The following SLC12A1 variants were observed in gnomAD, a reference collection of about 807,000 sequenced individuals.
SLC12A1 encodes the protein solute carrier family 12 member 1.
Under a neutral mutation model 130.4 loss-of-function variants are expected in SLC12A1, and 89 were observed. The observed-to-expected ratio is 0.68, with a 90% CI of 0.58 to 0.81. The LOEUF (loss-of-function observed/expected upper bound fraction) is 0.81, where lower values mean the gene tolerates loss of function less well. Among genes scored for constraint, SLC12A1 ranks in the 40% least tolerant of loss-of-function variants. The pLI is 0.00. For synonymous variants in SLC12A1, 499 were observed against 460.0 expected (o/e 1.08, Z -1.09); for missense variants, 1,310 against 1,336.4 (o/e 0.98, Z 0.31).
intron 20 of SLC12A1, among the ~76,000 whole-genome samples, chr15:48,277,098 TA>T (rs1176875809): frequency 6.6e-6 from 1 of 152,008 alleles, no homozygotes; most frequent in Admixed American, 6.6e-5. Flanking sequence ...GCTTGGATGG[TA>T]ACAAGAGGAA....
At chr15:48,240,074 T>TATATATATATATATATCC (rs1484944561) in intron 9 of SLC12A1, among the ~76,000 whole-genome samples, 2 of 77,934 alleles carry the variant, frequency 2.6e-5, no homozygotes, top group East Asian at 9.7e-4. Context: ...TATATATCCA[T>TATATATATATATATATCC]ATATATATAT....
chr15:48,246,351 A>C (rs1322016358), intron 11 of SLC12A1, among the ~76,000 whole-genome samples: 3 of 152,244 alleles, frequency 2.0e-5, no homozygotes, highest in Non-Finnish European at 4.4e-5. Context: ...CAAAGAACAG[A>C]GGGGAAAATG....
Position 48,237,254 on chromosome 15 carries a change from G to A in SLC12A1, c.1215+2250G>A, listed in dbSNP as rs2041450666. On this transcript the variant is annotated intron_variant, in intron 9 of 26. Transcript: ENST00000380993. ...AAACAGAAGGAATGGGATGTAAGAA[G>A]GCACCAAGAAAGATGCTGCTAATGA... 7.8e-6 allele frequency: 4 copies of A among 513,548 alleles called. No individual in the cohort carries two copies. In the South Asian group the frequency reaches 1.1e-4, roughly 14 times the overall value. The allele number at this position is 513,548 out of a possible 1,614,324, so 31.8% of individuals were successfully genotyped here.
chr15:48,213,233 T>C (rs1237464030), intron 2 of SLC12A1, among the ~76,000 whole-genome samples: 2 of 152,180 alleles, frequency 1.3e-5, no homozygotes, highest in South Asian at 2.1e-4. Context: ...TTGGCACTTT[T>C]CATTAACTCA....
At chr15:48,275,012 A>G (rs1359808324) in intron 20 of SLC12A1, among the ~76,000 whole-genome samples, 2 of 152,172 alleles carry the variant, frequency 1.3e-5, no homozygotes, top group Non-Finnish European at 1.5e-5. Flanking sequence ...CCTTGGAAAA[A>G]CACGTATTTT....
chr15:48,214,775 T>A (rs780965260), intron 2 of SLC12A1, among the ~76,000 whole-genome samples: 1 of 151,996 alleles, frequency 6.6e-6, no homozygotes, highest in Non-Finnish European at 1.5e-5. Context: ...GGGCTTAGGT[T>A]AGGTGGAACA....
chr15:48,278,988 T>G (rs2041984077), intron 20 of SLC12A1, among the ~76,000 whole-genome samples: 2 of 152,232 alleles, frequency 1.3e-5, no homozygotes, highest in Non-Finnish European at 2.9e-5. Flanking sequence ...AACTTTGATG[T>G]TTGAAATATT....
In SLC12A1 at chr15:48,230,742, G is replaced by A. The variant is rs144114340; in HGVS notation, c.975+239G>A. Among the ~76,000 whole-genome samples the A allele has an allele frequency of 1.6e-4, 24 of 152,302 alleles. No individual in the cohort carries two copies. The East Asian group carries it at 3.1e-3, about 20-fold the overall frequency. On this transcript the variant is annotated intron_variant, in intron 7 of 26. Transcript: ENST00000380993. The stretch of plus-strand genomic sequence containing the variant: ...TGTCTCTCTGTGCTGTCACCAAGGC[G>A]GCTGCCTTATGCACAGACCCCTTAT...
intron 25 of SLC12A1, among the ~76,000 whole-genome samples, chr15:48,300,578 G>T (rs971352757): frequency 3.3e-5 from 5 of 152,080 alleles, no homozygotes; most frequent in Non-Finnish European, 5.9e-5. Context: ...AACGCTAAAA[G>T]CCTTTTAGAT....
At chr15:48,233,861 A>T (rs1453325939) in intron 8 of SLC12A1, among the ~76,000 whole-genome samples, 1 of 150,228 alleles carries the variant, frequency 6.7e-6, no homozygotes, top group Non-Finnish European at 1.5e-5. Flanking sequence ...TTCATCCCAG[A>T]TTCTTTTGTT....
At chr15:48,231,474 A>G (rs2041377129) in intron 7 of SLC12A1, among the ~76,000 whole-genome samples, 1 of 152,212 alleles carries the variant, frequency 6.6e-6, no homozygotes, top group Non-Finnish European at 1.5e-5. Context: ...TTAGCAGTAG[A>G]GGGTAGCATT....
In SLC12A1 at chr15:48,302,933, A is replaced by G; in HGVS notation, c.*48A>G. On this transcript the variant is annotated 3_prime_UTR_variant, in exon 27 of 27. Transcript: ENST00000380993. ...TTTAACTTAATGTAATGCATAATTA[A>G]GAAACATGTTCCAGTACTTTATGTT... 1 of 1,394,540 alleles carries G rather than the reference A, an allele frequency of 7.2e-7. No individual in the cohort carries two copies. The highest frequency in any genetic ancestry group is 1.0e-6 in the Non-Finnish European group (1 of 995,766). The allele number at this position is 1,394,540 out of a possible 1,614,324, so 86.4% of individuals were successfully genotyped here.
rs201425582 is a variant in SLC12A1, at chr15:48,268,839, T to TG, written c.2296-819_2296-818insG. Among the ~76,000 whole-genome samples the TG allele has an allele frequency of 4.8e-3, 736 of 152,282 alleles. 8 individuals carry two copies. Among genetic ancestry groups the TG allele is most frequent in the Middle Eastern group, 0.044 (13 of 294 alleles). On this transcript the variant is annotated intron_variant, in intron 18 of 26. Transcript: ENST00000380993. ...TATTATAAAATTATCATACAAGATT[T>TG]TAAAATAATATTTTCAACTAGGAAT... is the stretch of plus-strand genomic sequence containing the variant.
chr15:48,248,249 T>G (rs1422617302), intron 13 of SLC12A1, among the ~76,000 whole-genome samples: 1 of 152,204 alleles, frequency 6.6e-6, no homozygotes, highest in Non-Finnish European at 1.5e-5. Flanking sequence ...AGGAAGGGAC[T>G]ATAATTCATG....
chr15:48,238,354 A>G (rs1315739642), intron 9 of SLC12A1, among the ~76,000 whole-genome samples: 1 of 152,222 alleles, frequency 6.6e-6, no homozygotes, highest in Non-Finnish European at 1.5e-5. Flanking sequence ...CAGGACTGGC[A>G]GCCTTGACAT....
At chr15:48,218,693 A>T (rs547632841) in intron 2 of SLC12A1, among the ~76,000 whole-genome samples, 4 of 152,356 alleles carry the variant, frequency 2.6e-5, no homozygotes, top group Admixed American at 2.6e-4. Flanking sequence ...AGTTTAGACC[A>T]CTTAAATAAG....
chr15:48,234,752 C>CAAA, intron 8 of SLC12A1, 125 bp from the exon 9 acceptor site: 22 of 714,684 alleles, frequency 3.1e-5, no homozygotes, highest in East Asian at 6.9e-5. Flanking sequence ...GACTCTGTCT[C>CAAA]AAAAAAAAAA....
chr15:48,280,710 T>C (rs756431466), intron 20 of SLC12A1, among the ~76,000 whole-genome samples: 8 of 152,120 alleles, frequency 5.3e-5, no homozygotes, highest in Non-Finnish European at 7.4e-5. Flanking sequence ...CACTTGCCTC[T>C]CATGCTTCCA....
At chr15:48,256,582 C>A (rs528741067) in intron 16 of SLC12A1, among the ~76,000 whole-genome samples, 1 of 152,256 alleles carries the variant, frequency 6.6e-6, no homozygotes, top group Admixed American at 6.5e-5. Context: ...AAAGGAGGAG[C>A]AAAGGCATGT....
Sources: gnomAD v4.1 joint callset for allele counts (sites outside exome capture counted in the v4.1 genomes callset) on GRCh38, gnomAD v4.1.1 for gene constraint, MANE v1.5 for transcripts, NCBI Gene and HGNC (gene_info 2026-07-23, HGNC 2026-07-21) for gene names.